Variants in RBFOX1 observed in about 807,000 individuals in gnomAD.
The protein encoded by RBFOX1 is RNA binding protein fox-1 homolog 1.
RBFOX1 carries 8 observed loss-of-function variants against 57.7 expected under a neutral mutation model. The ratio of observed to expected loss-of-function variants is 0.14; its 90% CI spans 0.08 to 0.25. RBFOX1 has a LOEUF of 0.25. Ranked by LOEUF, RBFOX1 falls within the 10% of genes least tolerant of loss-of-function variation. The pLI, the probability that RBFOX1 is intolerant of heterozygous loss-of-function variation, is 1.00. For synonymous variants in RBFOX1, 326 were observed against 222.4 expected (o/e 1.47, Z -4.15); for missense variants, 611 against 548.5 (o/e 1.11, Z -1.14).
At chr16:6,780,286 CATAT>C (rs543648388) in intron 3 of RBFOX1, among the ~76,000 whole-genome samples, 5 of 49,238 alleles carry the variant, frequency 1.0e-4, no homozygotes, top group Non-Finnish European at 1.3e-4. Context: ...TATATTTATA[CATAT>C]ATATATTTAT....
intron 1 of RBFOX1, among the ~76,000 whole-genome samples, chr16:5,358,931 A>G (rs1363644848): frequency 6.6e-6 from 1 of 152,166 alleles, no homozygotes; most frequent in African/African-American, 2.4e-5. Flanking sequence ...TTTGATACCC[A>G]TTATTCCTCC....
At chr16:6,974,233 A>T (rs1334631927) in intron 3 of RBFOX1, among the ~76,000 whole-genome samples, 1 of 151,104 alleles carries the variant, frequency 6.6e-6, no homozygotes, top group African/African-American at 2.4e-5. Flanking sequence ...GATAGTTGTA[A>T]CCCCTATGAA....
At chr16:5,708,856 C>T (rs540999605) in intron 3 of RBFOX1, among the ~76,000 whole-genome samples, 3 of 152,084 alleles carry the variant, frequency 2.0e-5, no homozygotes, top group Non-Finnish European at 4.4e-5. Flanking sequence ...TTGGAAGAAA[C>T]ATGTCTGTCA....
At chr16:6,570,329 G>A (rs950819619) in intron 2 of RBFOX1, among the ~76,000 whole-genome samples, 2 of 152,096 alleles carry the variant, frequency 1.3e-5, no homozygotes, top group African/African-American at 4.8e-5. Context: ...TGCTGCATAA[G>A]CAAAGGATTG....
In RBFOX1 at chr16:6,066,293, C is replaced by CAA. The variant is rs372412356; in HGVS notation, c.-127+46327_-127+46328dup. Among the ~76,000 whole-genome samples, 468 of 50,378 alleles carry CAA rather than the reference C, an allele frequency of 9.3e-3. 68 individuals are homozygous for CAA. Among genetic ancestry groups the CAA allele is most frequent in the Non-Finnish European group, 0.011 (371 of 34,498 alleles). 33.0% of individuals were successfully genotyped at this position (50,378 alleles called of 152,430 possible). A position where few individuals can be genotyped will look rare whatever the true frequency, so the allele number is the denominator to read the frequency against. On this transcript the variant is annotated intron_variant, in intron 1 of 15. Transcript: ENST00000550418. ...CTGACTACAGAGCAAGACTCTGTCTCAAAAAAAAAAAAAAAAAAAAAAAAA... is the reference window on the plus strand; with the variant it reads ...CTGACTACAGAGCAAGACTCTGTCTCAAAAAAAAAAAAAAAAAAAAAAAAAAA...
intron 2 of RBFOX1, among the ~76,000 whole-genome samples, chr16:5,593,557 C>G (rs2047080940): frequency 6.6e-6 from 1 of 152,130 alleles, no homozygotes; most frequent in Admixed American, 6.5e-5. Context: ...CCCACCAAAA[C>G]CAAGATGGTG....
intron 4 of RBFOX1, among the ~76,000 whole-genome samples, chr16:7,155,130 G>T (rs1458754305): frequency 6.6e-6 from 1 of 152,094 alleles, no homozygotes; most frequent in Middle Eastern, 3.2e-3. Flanking sequence ...ATAAACAACT[G>T]TTATCAGCCT....
chr16:7,260,418 A>T (rs1045040989), intron 4 of RBFOX1, among the ~76,000 whole-genome samples: 6 of 152,320 alleles, frequency 3.9e-5, no homozygotes, highest in Non-Finnish European at 8.8e-5. Context: ...TTAACCAAAG[A>T]TCACCCACAA....
chr16:5,524,573 C>A (rs1301766824), intron 2 of RBFOX1, among the ~76,000 whole-genome samples: 2 of 148,674 alleles, frequency 1.3e-5, no homozygotes, highest in African/African-American at 2.5e-5. Context: ...CAGAGTCTTG[C>A]TCTGTCGCCC....
chr16:6,019,772 C>A lies in RBFOX1; in HGVS notation c.-347C>A. 3 of 1,408,882 alleles carry A rather than the reference C, an allele frequency of 2.1e-6. No homozygotes were observed. In the South Asian group the frequency reaches 4.5e-5, roughly 21 times the overall value. The allele number at this position is 1,408,882 out of a possible 1,614,324, so 87.3% of individuals were successfully genotyped here. A position where few individuals can be genotyped will look rare whatever the true frequency, so the allele number is the denominator to read the frequency against. On this transcript the variant is annotated 5_prime_UTR_variant, in exon 1 of 16. Transcript: ENST00000550418. The surrounding 1 kb of genome is among the most constrained non-coding windows in gnomAD (Gnocchi z 4.2). ...GCGCTCCAGACCCCCACCCAGTGGCCGCCAGGGTCCCCGCCTGTCCGGACC... is the reference window on the plus strand; with the variant it reads ...GCGCTCCAGACCCCCACCCAGTGGCAGCCAGGGTCCCCGCCTGTCCGGACC...
intron 4 of RBFOX1, among the ~76,000 whole-genome samples, chr16:6,001,991 G>A (rs569095077): frequency 2.2e-4 from 32 of 142,742 alleles, no homozygotes; most frequent in African/African-American, 8.1e-4. Flanking sequence ...TTTTGAGACT[G>A]GGTCTTGCTC....
intron 1 of RBFOX1, among the ~76,000 whole-genome samples, chr16:6,048,978 G>T (rs1005297982): frequency 2.0e-5 from 3 of 148,470 alleles, no homozygotes; most frequent in African/African-American, 7.4e-5. Flanking sequence ...ATGTCAAGCT[G>T]TTGGAGACTT....
At chr16:6,971,863 C>G (rs749922434) in intron 3 of RBFOX1, among the ~76,000 whole-genome samples, 5 of 151,980 alleles carry the variant, frequency 3.3e-5, no homozygotes, top group Non-Finnish European at 5.9e-5. Flanking sequence ...AGTCTAATTC[C>G]CTGCAGTGAT....
At chr16:7,218,595 G>A (rs1603304622) in intron 4 of RBFOX1, among the ~76,000 whole-genome samples, 2 of 149,982 alleles carry the variant, frequency 1.3e-5, no homozygotes, top group East Asian at 3.9e-4. Context: ...TTAACCAGAA[G>A]ACGTGATTTG....
chr16:6,060,122 GTTTTTTTTTTTTTTTTTTT>G (rs199690584), intron 1 of RBFOX1, among the ~76,000 whole-genome samples: 37,673 of 114,388 alleles, frequency 0.33, 6,305 homozygotes, highest in South Asian at 0.4. Context: ...TAGGATTAGG[GTTTTTTTTTTTTTTTTTTT>G]TTTTTTTTTT....
chr16:5,358,472 A>G (rs1412020832), intron 1 of RBFOX1, among the ~76,000 whole-genome samples: 1 of 152,148 alleles, frequency 6.6e-6, no homozygotes, highest in East Asian at 1.9e-4. Flanking sequence ...GGTACATGAG[A>G]TGTTTTGGTA....
chr16:6,246,397 C>T (rs928898152), intron 1 of RBFOX1, among the ~76,000 whole-genome samples: 1 of 152,156 alleles, frequency 6.6e-6, no homozygotes, highest in African/African-American at 2.4e-5. Flanking sequence ...ATCATGATCT[C>T]CCCTTTCCCC....
In RBFOX1 at chr16:7,643,034, C is replaced by T. The variant is rs138481136; in HGVS notation, c.758-10781C>T. Among the ~76,000 whole-genome samples, 19 of 152,326 alleles carry T rather than the reference C, an allele frequency of 1.2e-4. No individual in the cohort carries two copies. The East Asian group carries it at 3.5e-3, about 28-fold the overall frequency. ...CATTTAGCAGCCATGACATTTGCCA[C>T]TTGTCTGTTGGATTAATCTAGCCAT... On this transcript the variant is annotated intron_variant, in intron 11 of 15. Coordinates refer to ENST00000550418, the MANE Select transcript of RBFOX1 (RefSeq NM_018723.4).
chr16:5,378,017 AT>A (rs2066031438), intron 1 of RBFOX1, among the ~76,000 whole-genome samples: 1 of 150,892 alleles, frequency 6.6e-6, no homozygotes, highest in Non-Finnish European at 1.5e-5. Flanking sequence ...TTTCCATTTT[AT>A]TTTTTTCTTT....
Sources: allele counts gnomAD v4.1 joint callset (sites outside exome capture counted in the v4.1 genomes callset), GRCh38; gene constraint gnomAD v4.1.1; non-coding constraint Gnocchi (gnomAD v3.1); transcripts MANE v1.5; gene names NCBI Gene and HGNC (gene_info 2026-07-23, HGNC 2026-07-21).